The following GPHN variants were observed in gnomAD, a reference collection of about 807,000 sequenced individuals.
GPHN encodes gephyrin.
A neutral mutation model predicts 95.5 loss-of-function variants in GPHN; 17 were observed. The observed-to-expected ratio is 0.18, with a 90% confidence interval of 0.12 to 0.27. The LOEUF is 0.27. Ranked by LOEUF, GPHN falls within the 10% of genes least tolerant of loss-of-function variation. GPHN has a pLI of 1.00. For missense variants in GPHN, 660 were observed against 978.1 expected (o/e 0.67, Z 4.34); for synonymous variants, 320 against 322.5 (o/e 0.99, Z 0.08).
At chr14:67,605,014 C>G in the GPHN span, among the ~76,000 whole-genome samples, 1 of 152,168 alleles carries the variant, frequency 6.6e-6, no homozygotes, top group Non-Finnish European at 1.5e-5. Flanking sequence ...TACTGTAGCT[C>G]TACAGTAGGT....
intron 17 of GPHN, among the ~76,000 whole-genome samples, chr14:67,140,537 A>G (rs1305526873): frequency 1.3e-5 from 2 of 152,198 alleles, no homozygotes; most frequent in Non-Finnish European, 2.9e-5. Context: ...CAATAATTCT[A>G]TAGAATCAAC....
intron 17 of GPHN, among the ~76,000 whole-genome samples, chr14:67,134,026 C>A (rs886405609): frequency 2.0e-5 from 3 of 152,160 alleles, no homozygotes; most frequent in Non-Finnish European, 4.4e-5. Context: ...ATTGGTGTTT[C>A]CCTCTATGCT....
intron 8 of GPHN, among the ~76,000 whole-genome samples, chr14:66,928,360 T>C (rs1213902940): frequency 1.3e-5 from 2 of 152,214 alleles, no homozygotes; most frequent in Non-Finnish European, 2.9e-5. Context: ...ATTTTTGTGG[T>C]ATAATCATGA....
chr14:66,770,885 G>A (rs1474740042), intron 2 of GPHN, among the ~76,000 whole-genome samples: 1 of 152,110 alleles, frequency 6.6e-6, no homozygotes, highest in African/African-American at 2.4e-5. Context: ...ATAGGTGTGT[G>A]TGTGTAGGAA....
chr14:66,579,596 GA>G (rs2061068695), intron 1 of GPHN, among the ~76,000 whole-genome samples: 1 of 151,666 alleles, frequency 6.6e-6, no homozygotes, highest in Admixed American at 6.6e-5. Context: ...AAAATTGTGA[GA>G]AGAGGCACAG....
At chr14:67,084,001 G>C (rs1435370669) in intron 11 of GPHN, among the ~76,000 whole-genome samples, 1 of 152,132 alleles carries the variant, frequency 6.6e-6, no homozygotes, top group Non-Finnish European at 1.5e-5. Context: ...CAGTGACTGA[G>C]TGCCTTTTAC....
At chr14:66,835,835 A>G (rs975255927) in intron 4 of GPHN, among the ~76,000 whole-genome samples, 1 of 152,074 alleles carries the variant, frequency 6.6e-6, no homozygotes, top group Non-Finnish European at 1.5e-5. Context: ...GTGAACTCCC[A>G]TTCACAATTG....
intron 19 of GPHN, among the ~76,000 whole-genome samples, chr14:67,164,553 GCC>G: frequency 1.3e-5 from 2 of 151,876 alleles, no homozygotes; most frequent in African/African-American, 4.8e-5. Flanking sequence ...GCGTGCAGTG[GCC>G]ATCTCAGCTC....
intron 10 of GPHN, among the ~76,000 whole-genome samples, chr14:67,026,706 G>C (rs187492395): frequency 0.012 from 1,832 of 152,204 alleles, 19 homozygotes; most frequent in Non-Finnish European, 0.018. Flanking sequence ...GCAGTGGCGC[G>C]ATCTCGGCTC....
At chr14:67,366,498 G>A in the GPHN span, among the ~76,000 whole-genome samples, 4 of 152,192 alleles carry the variant, frequency 2.6e-5, no homozygotes, top group Non-Finnish European at 4.4e-5. Flanking sequence ...TATTTCCATA[G>A]CATTTGTTTG....
At chr14:67,375,458 C>G in the GPHN span, among the ~76,000 whole-genome samples, 3 of 151,450 alleles carry the variant, frequency 2.0e-5, no homozygotes, top group South Asian at 6.2e-4. Flanking sequence ...TGTATTGCTT[C>G]TGTTTTCTTT....
the GPHN span, among the ~76,000 whole-genome samples, chr14:67,436,987 C>T: frequency 6.6e-6 from 1 of 152,116 alleles, no homozygotes; most frequent in Non-Finnish European, 1.5e-5. Context: ...AACCCAGAGG[C>T]CAAGGCTGCA....
the GPHN span, chr14:67,360,028 C>T: frequency 3.9e-6 from 2 of 509,778 alleles, no homozygotes; most frequent in Admixed American, 3.8e-5. Context: ...AGGCCAAAGA[C>T]TAGGAGCGAA....
intron 18 of GPHN, among the ~76,000 whole-genome samples, chr14:67,146,150 C>T (rs1409237700): frequency 6.6e-6 from 1 of 152,198 alleles, no homozygotes; most frequent in Non-Finnish European, 1.5e-5. Context: ...GTGTATTTCA[C>T]AGCCATCCCT....
At chr14:66,799,546 G>A (rs1451577391) in intron 3 of GPHN, among the ~76,000 whole-genome samples, 1 of 151,846 alleles carries the variant, frequency 6.6e-6, no homozygotes, top group African/African-American at 2.4e-5. Flanking sequence ...GAATTGACTT[G>A]TTTATCATTA....
At chr14:66,563,920 G>A (rs1203919943) in intron 1 of GPHN, among the ~76,000 whole-genome samples, 1 of 152,046 alleles carries the variant, frequency 6.6e-6, no homozygotes. Context: ...TTAATTCATA[G>A]ACCATAGCAA....
the GPHN span, among the ~76,000 whole-genome samples, chr14:67,290,149 GT>G: frequency 6.6e-6 from 1 of 152,050 alleles, no homozygotes. Context: ...TCATTTACAG[GT>G]TTAATTTTAG....
At chr14:66,795,451 A>G (rs997771127) in intron 3 of GPHN, among the ~76,000 whole-genome samples, 91 of 152,042 alleles carry the variant, frequency 6.0e-4, no homozygotes, top group African/African-American at 2.1e-3. Flanking sequence ...TTTGTTTTCT[A>G]TTTAGCCCAC....
intron 8 of GPHN, among the ~76,000 whole-genome samples, chr14:66,933,340 C>A (rs2066926998): frequency 6.6e-6 from 1 of 152,278 alleles, no homozygotes; most frequent in Non-Finnish European, 1.5e-5. Context: ...TCTGAATGAC[C>A]TGGTGTGTTG....
Sources: allele counts gnomAD v4.1 joint callset (sites outside exome capture counted in the v4.1 genomes callset), GRCh38; gene constraint gnomAD v4.1.1; transcripts MANE v1.5; gene names NCBI Gene and HGNC (gene_info 2026-07-23, HGNC 2026-07-21).